SRBD1: variants seen among roughly 807,000 people sequenced by gnomAD.
SRBD1 encodes S1 RNA-binding domain-containing protein 1.
SRBD1 carries 88 observed loss-of-function variants against 115.3 expected under a neutral mutation model. That is an observed-to-expected ratio of 0.76 (90% CI 0.64 to 0.91). The LOEUF is 0.91. SRBD1 is among the 40% of genes least tolerant of loss of function. The pLI is 0.00. For missense variants in SRBD1, 1,385 were observed against 1,177.4 expected (o/e 1.18, Z -2.58); for synonymous variants, 509 against 407.7 (o/e 1.25, Z -2.99).
At chr2:45,425,505 A>G (rs1052171582) in intron 16 of SRBD1, among the ~76,000 whole-genome samples, 1 of 152,150 alleles carries the variant, frequency 6.6e-6, no homozygotes, top group African/African-American at 2.4e-5. Context: ...ATTAAAAATC[A>G]CACAGTAGGG....
chr2:45,527,004 T>G (rs568936575), intron 14 of SRBD1, among the ~76,000 whole-genome samples: 1 of 152,046 alleles, frequency 6.6e-6, no homozygotes, highest in Admixed American at 6.6e-5. Flanking sequence ...CACAGATCAT[T>G]TAATCATTTT....
intron 14 of SRBD1, among the ~76,000 whole-genome samples, chr2:45,499,389 T>C (rs563437902): frequency 8.5e-5 from 13 of 152,334 alleles, no homozygotes; most frequent in African/African-American, 2.9e-4. Flanking sequence ...CTTCCTTATA[T>C]GTTCTAGTTA....
intron 19 of SRBD1, among the ~76,000 whole-genome samples, chr2:45,410,458 T>G (rs763566406): frequency 2.6e-5 from 4 of 152,204 alleles, no homozygotes; most frequent in Non-Finnish European, 5.9e-5. Flanking sequence ...TTACTCACAA[T>G]GGCCAAAAAC....
chr2:45,455,718 A>AT (rs796540462), intron 16 of SRBD1, among the ~76,000 whole-genome samples: 9 of 151,852 alleles, frequency 5.9e-5, no homozygotes, highest in African/African-American at 2.2e-4. Context: ...GCGAGTACAG[A>AT]TTTTTTTAAA....
At chr2:45,441,380 T>C (rs1441102046) in intron 16 of SRBD1, among the ~76,000 whole-genome samples, 1 of 152,222 alleles carries the variant, frequency 6.6e-6, no homozygotes, top group East Asian at 1.9e-4. Context: ...TTATCCATAG[T>C]ATTTATTATC....
chr2:45,413,099 G>A lies in SRBD1; in HGVS notation c.2513+15C>T, dbSNP rs777769012. On this transcript the variant is annotated intron_variant, in intron 19 of 20. Coordinates refer to ENST00000263736, the MANE Select transcript of SRBD1 (RefSeq NM_018079.5). Reference sequence around the variant, plus strand: ...CTCTGCATATGGAGAATTCCCACATGGGCCTCAGACTTACCTCATTGCTAT... The same window carrying A: ...CTCTGCATATGGAGAATTCCCACATAGGCCTCAGACTTACCTCATTGCTAT... The A allele has an allele frequency of 2.5e-6, 4 of 1,603,638 alleles. No homozygotes were observed. Among genetic ancestry groups the A allele is most frequent in the South Asian group, 2.2e-5 (2 of 89,020 alleles).
At chr2:45,399,089 T>C (rs531329891) in intron 19 of SRBD1, among the ~76,000 whole-genome samples, 7 of 150,034 alleles carry the variant, frequency 4.7e-5, no homozygotes, top group Non-Finnish European at 1.0e-4. Flanking sequence ...AAAAAAAAAA[T>C]CAACAACCCA....
At chr2:45,437,961 T>C (rs559248749) in intron 16 of SRBD1, among the ~76,000 whole-genome samples, 4 of 152,214 alleles carry the variant, frequency 2.6e-5, no homozygotes, top group Non-Finnish European at 4.4e-5. Context: ...GAATATAGGT[T>C]ATTATCTGTT....
At chr2:45,429,549 G>A (rs995664587) in intron 16 of SRBD1, among the ~76,000 whole-genome samples, 1 of 151,976 alleles carries the variant, frequency 6.6e-6, no homozygotes, top group Non-Finnish European at 1.5e-5. Flanking sequence ...AAAACTACAT[G>A]ATTATCTCAA....
chr2:45,516,567 C>T (rs561812266), intron 14 of SRBD1, among the ~76,000 whole-genome samples: 1 of 152,220 alleles, frequency 6.6e-6, no homozygotes, highest in South Asian at 2.1e-4. Context: ...ATGATTGTTA[C>T]CCCTTGAAGG....
At position 45,419,904 on chromosome 2, in the gene SRBD1, C is replaced by CA; in HGVS notation, c.2050-11dup. 1 of 1,608,136 alleles carries CA rather than the reference C, an allele frequency of 6.2e-7. No homozygotes were observed. The highest frequency in any genetic ancestry group is 2.2e-5 in the East Asian group (1 of 44,824). ...TCTGGGATACGTCATGCTGAAAAGA[C>CA]AAAGATCAAATATTAACAGTGAAGG... On this transcript the variant is annotated splice_polypyrimidine_tract_variant and intron_variant, in intron 16 of 20. Transcript: ENST00000263736.
chr2:45,441,873 T>G (rs1668679571), intron 16 of SRBD1, among the ~76,000 whole-genome samples: 1 of 152,212 alleles, frequency 6.6e-6, no homozygotes, highest in South Asian at 2.1e-4. Flanking sequence ...ATGTTAAGAC[T>G]GACCATAGCC....
intron 16 of SRBD1, among the ~76,000 whole-genome samples, chr2:45,440,194 A>C (rs530461828): frequency 2.1e-4 from 32 of 152,306 alleles, no homozygotes; most frequent in African/African-American, 7.5e-4. Flanking sequence ...GATGATTAAA[A>C]TTTAAACAAA....
intron 8 of SRBD1, among the ~76,000 whole-genome samples, 194 bp downstream of exon 8, chr2:45,574,433 C>T (rs1462289556): frequency 6.6e-6 from 1 of 152,098 alleles, no homozygotes; most frequent in East Asian, 1.9e-4. Context: ...GCTCCCTGTC[C>T]AGAATTCAAT....
chr2:45,550,357 C>T (rs1483361939), intron 12 of SRBD1, among the ~76,000 whole-genome samples: 10 of 152,078 alleles, frequency 6.6e-5, no homozygotes, highest in Non-Finnish European at 1.2e-4. Flanking sequence ...TACACACCCA[C>T]TGAAGCACAT....
chr2:45,587,658 G>C (rs1159137134), intron 4 of SRBD1, among the ~76,000 whole-genome samples: 2 of 152,032 alleles, frequency 1.3e-5, no homozygotes, highest in African/African-American at 4.8e-5. Context: ...AAACTCCAGA[G>C]ACTATAGAGG....
chr2:45,605,944 C>G (rs543996645), intron 1 of SRBD1, among the ~76,000 whole-genome samples: 1 of 151,262 alleles, frequency 6.6e-6, no homozygotes, highest in South Asian at 2.1e-4. Context: ...AGCTAACAGC[C>G]TTCCAATGGT....
chr2:45,495,792 G>T lies in SRBD1; in HGVS notation c.1875-7461C>A, dbSNP rs185976914. Reference sequence around the variant, plus strand: ...TGCAACAGTACTATAAACATTCCAGGTTCACTGCTAACAAGATACAAAACC... The same window carrying T: ...TGCAACAGTACTATAAACATTCCAGTTTCACTGCTAACAAGATACAAAACC... On this transcript the variant is annotated intron_variant, in intron 14 of 20. Transcript: ENST00000263736. Among the ~76,000 whole-genome samples the T allele has an allele frequency of 3.9e-5, 6 of 152,204 alleles. No individual in the cohort carries two copies. The East Asian group carries it at 1.2e-3, about 29-fold the overall frequency.
In SRBD1 at chr2:45,444,989, T is replaced by C. The variant is rs531189168; in HGVS notation, c.2050-25095A>G. 4.6e-5 allele frequency among the ~76,000 whole-genome samples: 7 copies of C among 152,286 alleles called. No individual in the cohort carries two copies. In the East Asian group the frequency reaches 1.2e-3, roughly 25 times the overall value. ...TAGAGGGCAAAATAACATTGTCAAA[T>C]TTGCTCTCCATTTTAGGAACTCAAG... is the stretch of plus-strand genomic sequence containing the variant. On this transcript the variant is annotated intron_variant, in intron 16 of 20. Transcript: ENST00000263736.
Sources: gnomAD v4.1 joint callset for allele counts (sites outside exome capture counted in the v4.1 genomes callset) on GRCh38, gnomAD v4.1.1 for gene constraint, MANE v1.5 for transcripts, NCBI Gene and HGNC (gene_info 2026-07-23, HGNC 2026-07-21) for gene names.